The following IGFL2 variants were observed in gnomAD, a reference collection of about 807,000 sequenced individuals.
The protein encoded by IGFL2 is insulin growth factor-like family member 2.
Under a neutral mutation model 13.9 loss-of-function variants are expected in IGFL2, and 7 were observed. The observed-to-expected ratio is 0.51, with a 90% confidence interval of 0.29 to 0.95. The LOEUF (loss-of-function observed/expected upper bound fraction) is 0.95. IGFL2 is among the 40% of genes least tolerant of loss of function. The pLI is 0.08. For synonymous variants in IGFL2, 55 were observed against 55.8 expected (o/e 0.99, Z 0.07); for missense variants, 138 against 147.8 (o/e 0.93, Z 0.34).
At chr19:46,186,841 G>C in the IGFL2 span, among the ~76,000 whole-genome samples, 5 of 152,362 alleles carry the variant, frequency 3.3e-5, no homozygotes, top group Non-Finnish European at 5.9e-5. Flanking sequence ...GGCACAGGGA[G>C]TCCCTGGCTA....
At chr19:46,200,629 C>G in the IGFL2 span, among the ~76,000 whole-genome samples, 1 of 151,820 alleles carries the variant, frequency 6.6e-6, no homozygotes, top group African/African-American at 2.4e-5. Flanking sequence ...GTTCCTCCTG[C>G]TACAGCCTCC....
chr19:46,124,214 C>T, the IGFL2 span: 1 of 1,609,224 alleles, frequency 6.2e-7, no homozygotes. Flanking sequence ...AATTCCCAGT[C>T]TCTTTTCCCA....
chr19:46,121,394 G>A, the IGFL2 span, among the ~76,000 whole-genome samples: 21 of 124,402 alleles, frequency 1.7e-4, no homozygotes, highest in African/African-American at 1.2e-4. Context: ...ATCCTGTCTT[G>A]AAAAAAAAAA....
the IGFL2 span, among the ~76,000 whole-genome samples, chr19:46,122,271 G>C: frequency 4.6e-4 from 69 of 151,110 alleles, 1 homozygote; most frequent in South Asian, 0.014. Context: ...TCTTTAGCCA[G>C]GGTAAGGTTT....
the IGFL2 span, among the ~76,000 whole-genome samples, chr19:46,117,739 A>C: frequency 1.3e-5 from 2 of 152,102 alleles, no homozygotes; most frequent in East Asian, 1.9e-4. Flanking sequence ...TTAGCCTCCC[A>C]AAGTGGTGGG....
the IGFL2 span, among the ~76,000 whole-genome samples, chr19:46,184,333 A>G: frequency 2.0e-5 from 3 of 151,880 alleles, no homozygotes; most frequent in Non-Finnish European, 2.9e-5. Flanking sequence ...GGTTTGTTAC[A>G]TAAGTATACA....
At chr19:46,191,273 G>A in the IGFL2 span, among the ~76,000 whole-genome samples, 1 of 152,104 alleles carries the variant, frequency 6.6e-6, no homozygotes, top group Admixed American at 6.5e-5. Flanking sequence ...GGAGGGAGAG[G>A]AGAAAAGAGA....
chr19:46,085,477 GT>G, the IGFL2 span, among the ~76,000 whole-genome samples: 1 of 152,052 alleles, frequency 6.6e-6, no homozygotes, highest in East Asian at 1.9e-4. Context: ...TTTGTTCTCT[GT>G]TTGCTTGATA....
chr19:46,144,299 T>C (rs1973004763), upstream of IGFL2, among the ~76,000 whole-genome samples: 1 of 152,228 alleles, frequency 6.6e-6, no homozygotes, highest in Admixed American at 6.5e-5. Flanking sequence ...TACTCCTCTT[T>C]TGATCTTTTT....
the IGFL2 span, among the ~76,000 whole-genome samples, chr19:46,169,780 A>T: frequency 6.7e-6 from 1 of 149,494 alleles, no homozygotes. Context: ...CCCGGGAGTC[A>T]GAGGTTACAG....
upstream of IGFL2, chr19:46,147,957 C>T (rs1035892186): frequency 6.2e-6 from 2 of 322,878 alleles, no homozygotes; most frequent in Non-Finnish European, 1.1e-5. Flanking sequence ...GAATCTCTTT[C>T]AAGTCTCTTT....
the IGFL2 span, among the ~76,000 whole-genome samples, chr19:46,116,045 C>T: frequency 1.3e-5 from 2 of 152,026 alleles, no homozygotes; most frequent in Non-Finnish European, 2.9e-5. Context: ...ATAAGTGGGA[C>T]TGTTAATTCT....
At chr19:46,160,534 TC>T (rs1974100808) in intron 2 of IGFL2, 66 bp downstream of exon 2, 1 of 1,612,368 alleles carries the variant, frequency 6.2e-7, no homozygotes, top group African/African-American at 1.3e-5. Flanking sequence ...GCATGGGGGT[TC>T]ACAGAGGGCT....
chr19:46,162,682 C>G (rs1474723902), downstream of IGFL2, among the ~76,000 whole-genome samples: 1 of 152,124 alleles, frequency 6.6e-6, no homozygotes, highest in Non-Finnish European at 1.5e-5. Context: ...CTATTTTGTC[C>G]TTTGGTTCTT....
At chr19:46,104,244 A>G in the IGFL2 span, among the ~76,000 whole-genome samples, 9 of 152,192 alleles carry the variant, frequency 5.9e-5, no homozygotes, top group Non-Finnish European at 1.2e-4. Context: ...ACCCTGTAGC[A>G]TCTCGAGGAC....
chr19:46,140,860 T>C (rs1972828770), upstream of IGFL2, among the ~76,000 whole-genome samples: 1 of 152,158 alleles, frequency 6.6e-6, no homozygotes. Flanking sequence ...TCTGCACTTT[T>C]CTAAGAGTTT....
chr19:46,139,938 T>TCA (rs144249757), upstream of IGFL2, among the ~76,000 whole-genome samples: 16,896 of 150,152 alleles, frequency 0.11, 1,300 homozygotes, highest in African/African-American at 0.21. Context: ...TTTCACGCAC[T>TCA]CACACACACA....
At chr19:46,135,418 G>A in the IGFL2 span, among the ~76,000 whole-genome samples, 1 of 152,110 alleles carries the variant, frequency 6.6e-6, no homozygotes, top group Non-Finnish European at 1.5e-5. Context: ...CTCATGGTCA[G>A]AGTTGTTTGC....
At chr19:46,082,003 T>C in the IGFL2 span, among the ~76,000 whole-genome samples, 1 of 152,224 alleles carries the variant, frequency 6.6e-6, no homozygotes, top group Non-Finnish European at 1.5e-5. Context: ...TGGCTAGAAA[T>C]GGGAGAATCC....
Sources: allele counts gnomAD v4.1 joint callset (sites outside exome capture counted in the v4.1 genomes callset), GRCh38; gene constraint gnomAD v4.1.1; transcripts MANE v1.5; gene names NCBI Gene and HGNC (gene_info 2026-07-23, HGNC 2026-07-21).